The following OPTC variants were observed in gnomAD, a reference collection of about 807,000 sequenced individuals.
OPTC encodes oculoglycan.
A neutral mutation model predicts 25.4 loss-of-function variants in OPTC; 22 were observed. The observed-to-expected ratio is 0.87, with a 90% CI of 0.62 to 1.24. The LOEUF is 1.24. Ranked by LOEUF, OPTC falls within the 50% of genes most tolerant of loss-of-function variation. The probability of loss-of-function intolerance (pLI) is 0.00; values close to 1 mark genes in which losing one functional copy is unlikely to be tolerated. For synonymous variants in OPTC, 169 were observed against 179.3 expected, an observed-to-expected ratio of 0.94 and a Z score of 0.46; for missense variants, 417 against 425.2, an observed-to-expected ratio of 0.98 and a Z score of 0.17.
intron 1 of OPTC, among the ~76,000 whole-genome samples, chr1:203,495,184 G>C (rs184690978): frequency 6.6e-6 from 1 of 152,050 alleles, no homozygotes; most frequent in Non-Finnish European, 1.5e-5. Context: ...ACCCATAAAT[G>C]TTTGTTGAGC....
chr1:203,498,802 C>T lies in OPTC; in HGVS notation c.492C>T (p.Arg164=), dbSNP rs1464219146. ...CCTACCTGTATGCACGCTTCAACCGCATCAGCCGTATCAGGGCCGAAGACT... is the reference window on the plus strand; with the variant it reads ...CCTACCTGTATGCACGCTTCAACCGTATCAGCCGTATCAGGGCCGAAGACT... ...RTAYLYARFN[R]ISRIRAEDFK... The change falls in exon 4 of 8, where the codon CGC becomes CGT. Residue 164 remains arginine (R), a synonymous_variant. Coordinates refer to ENST00000367222, the MANE Select transcript of OPTC (RefSeq NM_014359.4). The T allele has an allele frequency of 1.9e-6, 3 of 1,614,028 alleles. No homozygotes were observed. Among genetic ancestry groups the T allele is most frequent in the Middle Eastern group, 1.6e-4 (1 of 6,062 alleles).
At chr1:203,502,826 G>A in intron 5 of OPTC, 88 bp from the exon 6 acceptor site, 1 of 1,001,780 alleles carries the variant, frequency 1.0e-6, no homozygotes, top group Non-Finnish European at 1.6e-6. Flanking sequence ...GAACAAATGG[G>A]GCCACCTGTC....
intron 3 of OPTC, among the ~76,000 whole-genome samples, chr1:203,498,114 G>C: frequency 6.6e-6 from 1 of 152,152 alleles, no homozygotes; most frequent in East Asian, 1.9e-4. Flanking sequence ...TTACCCGTGG[G>C]TACAGAGACA....
At chr1:203,499,946 C>CACCACCCACCTCCACCTCT in intron 5 of OPTC, 95 bp downstream of exon 5, 16 of 1,026,550 alleles carry the variant, frequency 1.6e-5, no homozygotes, top group South Asian at 1.4e-4. Flanking sequence ...TCACCTCCAC[C>CACCACCCACCTCCACCTCT]ACCACCCACC....
chr1:203,494,675 A>G (rs967071311), intron 1 of OPTC, among the ~76,000 whole-genome samples: 2 of 152,196 alleles, frequency 1.3e-5, no homozygotes, highest in Non-Finnish European at 2.9e-5. Flanking sequence ...AAAAATTAAA[A>G]GATAAAAAAA....
At chr1:203,504,918 C>G (rs1423896679) in intron 7 of OPTC, among the ~76,000 whole-genome samples, 1 of 152,172 alleles carries the variant, frequency 6.6e-6, no homozygotes. Flanking sequence ...CCTTTTGGAT[C>G]CTGGGCAGGG....
At chr1:203,507,613 T>A (rs563132022) in intron 7 of OPTC, among the ~76,000 whole-genome samples, 27 of 152,212 alleles carry the variant, frequency 1.8e-4, no homozygotes, top group Non-Finnish European at 3.4e-4. Context: ...TTCAGGAGGG[T>A]CTTGCCCTAA....
chr1:203,499,729 C>T lies in OPTC; in HGVS notation c.610C>T (p.Gln204Ter). The T allele has an allele frequency of 6.2e-7, 1 of 1,613,480 alleles. No homozygotes were observed. Among genetic ancestry groups the T allele is most frequent in the Non-Finnish European group, 8.5e-7 (1 of 1,179,934 alleles). The change falls in exon 5 of 8, where the codon CAG becomes TAG. Residue 204 changes from glutamine to a stop codon, truncating the protein, a stop_gained. Coordinates refer to ENST00000367222, the MANE Select transcript of OPTC (RefSeq NM_014359.4). LOFTEE classifies it high-confidence loss of function. ...NDAFRLLHAL[Q>*]DLILPENQLE... The stretch of plus-strand genomic sequence containing the variant: ...TGCCTTCCGCCTGCTACATGCCCTC[C>T]AGGACCTCATCCTCCCAGAGAACCA...
chr1:203,496,307 T>G, intron 2 of OPTC, 71 bp downstream of exon 2: 2 of 1,103,172 alleles, frequency 1.8e-6, no homozygotes. Flanking sequence ...CCCTCCCATC[T>G]GCCCCAAAGT....
At chr1:203,498,924 T>G in intron 4 of OPTC, 85 bp downstream of exon 4, 1 of 1,459,164 alleles carries the variant, frequency 6.9e-7, no homozygotes, top group East Asian at 2.3e-5. Context: ...ACTGTGTTAG[T>G]GCCCCCCGTG....
rs200677614 is a variant in OPTC, at chr1:203,499,863, C to T, written c.732+12C>T. The stretch of plus-strand genomic sequence containing the variant: ...CTGCAGCCTTCAGGGTGAGTCAAGG[C>T]CTTAGATCCACTATCTATCACCTCC... On this transcript the variant is annotated intron_variant, in intron 5 of 7. Coordinates refer to ENST00000367222, the MANE Select transcript of OPTC (RefSeq NM_014359.4). The T allele has an allele frequency of 3.2e-4, 517 of 1,607,314 alleles. 3 individuals are homozygous for T. The African/African-American group carries it at 6.0e-3, about 19-fold the overall frequency.
chr1:203,505,026 C>T (rs1571602490), intron 7 of OPTC, among the ~76,000 whole-genome samples: 1 of 152,156 alleles, frequency 6.6e-6, no homozygotes, highest in East Asian at 1.9e-4. Context: ...CACCCTTCTC[C>T]TGACCGTTAT....
intron 7 of OPTC, among the ~76,000 whole-genome samples, chr1:203,507,698 T>C (rs1661518004): frequency 6.6e-6 from 1 of 151,464 alleles, no homozygotes; most frequent in East Asian, 2.0e-4. Flanking sequence ...AGAGAAAGGA[T>C]GAGTTTGCAA....
intron 1 of OPTC, among the ~76,000 whole-genome samples, chr1:203,494,851 A>G (rs1661252859): frequency 6.6e-6 from 1 of 152,110 alleles, no homozygotes; most frequent in Non-Finnish European, 1.5e-5. Context: ...TACGAACTAC[A>G]TGAACATTTG....
rs750143974 is a variant in OPTC at position 203,496,113 on chromosome 1, G to C, written c.108G>C (p.Arg36Ser). ...AGAGGAGAGAGGAGCAGATGCCCAG[G>C]GAAGGCGATTCCTTTGAAGTTCTGC... is the stretch of plus-strand genomic sequence containing the variant. The part of the protein sequence containing the change: ...ERKRREEQMP[R>S]EGDSFEVLPL... Residue 36 changes from arginine (R) to serine (S), a missense_variant, in exon 2 of 8, where the codon AGG becomes AGC. Transcript: ENST00000367222. The C allele has an allele frequency of 1.2e-6, 2 of 1,613,970 alleles. No individual in the cohort carries two copies. Among genetic ancestry groups the C allele is most frequent in the African/African-American group, 2.7e-5 (2 of 74,908 alleles).
chr1:203,505,744 G>C (rs2102226730), intron 7 of OPTC, among the ~76,000 whole-genome samples: 1 of 152,232 alleles, frequency 6.6e-6, no homozygotes, highest in Middle Eastern at 3.4e-3. Context: ...ATGCCGTCAT[G>C]GTACCTACCC....
chr1:203,503,904 G>A (rs187066384), intron 7 of OPTC, among the ~76,000 whole-genome samples, 159 bp downstream of exon 7: 2 of 152,248 alleles, frequency 1.3e-5, no homozygotes, highest in East Asian at 3.9e-4. Flanking sequence ...ACACACTCAT[G>A]TACTGAAATG....
At chr1:203,501,741 A>G (rs2102223208) in intron 5 of OPTC, among the ~76,000 whole-genome samples, 1 of 152,134 alleles carries the variant, frequency 6.6e-6, no homozygotes, top group South Asian at 2.1e-4. Flanking sequence ...TCTTTGAGGG[A>G]GTTTTACAGA....
intron 5 of OPTC, among the ~76,000 whole-genome samples, chr1:203,501,872 C>T (rs151159471): frequency 6.0e-4 from 92 of 152,238 alleles, no homozygotes; most frequent in Non-Finnish European, 1.1e-3. Flanking sequence ...CCCTGAAGTT[C>T]CCCACTGCTC....
Sources: gnomAD v4.1 joint callset for allele counts (sites outside exome capture counted in the v4.1 genomes callset) on GRCh38, gnomAD v4.1.1 for gene constraint, MANE v1.5 for transcripts, NCBI Gene and HGNC (gene_info 2026-07-23, HGNC 2026-07-21) for gene names.